Variants in SMARCD3 observed in about 807,000 individuals in gnomAD.
SMARCD3 encodes the protein SWI/SNF-related matrix-associated actin-dependent regulator of chromatin subfamily D member 3.
Under a neutral mutation model 58.0 loss-of-function variants are expected in SMARCD3, and 14 were observed. The ratio of observed to expected loss-of-function variants is 0.24; its 90% CI spans 0.16 to 0.38. SMARCD3 has a LOEUF of 0.38. Ranked by LOEUF, SMARCD3 falls within the 10% of genes least tolerant of loss-of-function variation. The pLI is 1.00. For synonymous variants in SMARCD3, 253 were observed against 253.8 expected (o/e 1.00, Z 0.03); for missense variants, 408 against 636.9 (o/e 0.64, Z 3.87).
rs777015544 is a variant in SMARCD3, at chr7:151,243,644, G to C, written c.333+15C>G. The C allele has an allele frequency of 6.4e-7, 1 of 1,564,848 alleles. No individual in the cohort carries two copies. Among genetic ancestry groups the C allele is most frequent in the Non-Finnish European group, 8.8e-7 (1 of 1,135,436 alleles). ...GGTGGGGGGTGGGCTGGGGGCTGCT[G>C]TGAAAGGCACTCACCCTTTGAGGGA... On this transcript the variant is annotated intron_variant, in intron 3 of 12. Transcript: ENST00000262188. This position sits in a 1 kb window ranked among gnomAD's most constrained non-coding sequence, Gnocchi z 4.4.
chr7:151,240,375 C>CAGGA (rs1563644879), intron 9 of SMARCD3, 50 bp downstream of exon 9: 2 of 1,578,766 alleles, frequency 1.3e-6, no homozygotes, highest in Non-Finnish European at 1.7e-6. Flanking sequence ...GCAGGGAAGG[C>CAGGA]AGGAACGAGA....
At chr7:151,271,184 G>A (rs1050197998) in intron 2 of SMARCD3, among the ~76,000 whole-genome samples, 2 of 152,174 alleles carry the variant, frequency 1.3e-5, no homozygotes, top group South Asian at 4.1e-4. Flanking sequence ...ATGAGGTGGT[G>A]AGGGCCTGCA....
intron 2 of SMARCD3, among the ~76,000 whole-genome samples, chr7:151,273,977 G>A (rs1484301142): frequency 1.3e-5 from 2 of 152,258 alleles, no homozygotes; most frequent in East Asian, 3.9e-4. Context: ...TCTGAGGAAG[G>A]AGAAGCAGAG....
intron 2 of SMARCD3, among the ~76,000 whole-genome samples, chr7:151,262,800 G>A (rs1803958841): frequency 6.6e-6 from 1 of 152,250 alleles, no homozygotes. Context: ...GGATGCCCAA[G>A]GCTGGCATGG....
intron 8 of SMARCD3, 161 bp from the exon 9 acceptor site, chr7:151,240,683 A>G: frequency 7.0e-6 from 4 of 573,370 alleles, no homozygotes; most frequent in Non-Finnish European, 1.2e-5. Flanking sequence ...CTGGTGGTGG[A>G]GCCACCGGTA....
chr7:151,244,230 C>T (rs1229980313), intron 2 of SMARCD3, among the ~76,000 whole-genome samples: 5 of 150,256 alleles, frequency 3.3e-5, no homozygotes, highest in African/African-American at 1.0e-4. Flanking sequence ...TGGAAGAGAA[C>T]GCTGATGGGC....
intron 2 of SMARCD3, among the ~76,000 whole-genome samples, chr7:151,270,737 G>A (rs958167278): frequency 6.6e-6 from 1 of 152,168 alleles, no homozygotes; most frequent in Non-Finnish European, 1.5e-5. Flanking sequence ...AGTGGAAGGC[G>A]GAACAAATCA....
At chr7:151,263,283 G>T (rs539779887) in intron 2 of SMARCD3, among the ~76,000 whole-genome samples, 2 of 152,136 alleles carry the variant, frequency 1.3e-5, no homozygotes, top group South Asian at 2.1e-4. Context: ...ATGCCAAGGG[G>T]TGTTCTGAGG....
At chr7:151,262,740 G>C (rs10487756) in intron 2 of SMARCD3, among the ~76,000 whole-genome samples, 2 of 152,106 alleles carry the variant, frequency 1.3e-5, no homozygotes, top group African/African-American at 4.8e-5. Context: ...TCAGAGTAGC[G>C]ACACCTAAGC....
upstream of SMARCD3, among the ~76,000 whole-genome samples, chr7:151,252,440 TGAGA>T (rs35914888): frequency 4.0e-5 from 6 of 149,412 alleles, no homozygotes; most frequent in Admixed American, 6.6e-5. Flanking sequence ...TGTGTGTGTG[TGAGA>T]GAGAGAGAGA....
chr7:151,268,612 T>C (rs1052215846), intron 2 of SMARCD3, among the ~76,000 whole-genome samples: 61 of 152,296 alleles, frequency 4.0e-4, no homozygotes, highest in African/African-American at 1.4e-3. Context: ...GGGCTAAATA[T>C]GGTGGAGAGA....
At chr7:151,272,593 G>A (rs1795211895) in intron 2 of SMARCD3, among the ~76,000 whole-genome samples, 1 of 152,148 alleles carries the variant, frequency 6.6e-6, no homozygotes, top group African/African-American at 2.4e-5. Context: ...GCACGCTCAT[G>A]AGGCACGTTC....
At chr7:151,252,804 GGCAGCTGTGC>G (rs1803570863), upstream of SMARCD3, among the ~76,000 whole-genome samples, 1 of 152,140 alleles carries the variant, frequency 6.6e-6, no homozygotes, top group Non-Finnish European at 1.5e-5. Flanking sequence ...TCCAGGCCAG[GGCAGCTGTGC>G]GCTTCCCTGT....
At chr7:151,260,623 C>A (rs139732144) in intron 2 of SMARCD3, among the ~76,000 whole-genome samples, 1 of 152,168 alleles carries the variant, frequency 6.6e-6, no homozygotes, top group Non-Finnish European at 1.5e-5. Context: ...CACGCCACCC[C>A]GCCCCCTACC....
chr7:151,249,595 G>C (rs927931652), upstream of SMARCD3: 2 of 152,066 alleles, frequency 1.3e-5, no homozygotes, highest in Non-Finnish European at 2.9e-5. This position sits in a 1 kb window ranked among gnomAD's most constrained non-coding sequence, Gnocchi z 4.8. Context: ...GCGCCAGGGG[G>C]GTGCTCGGGT....
chr7:151,244,523 C>T (rs219230), intron 2 of SMARCD3, among the ~76,000 whole-genome samples: 69,498 of 151,886 alleles, frequency 0.46, 16,857 homozygotes, highest in African/African-American at 0.61. Context: ...CCTCCCTATG[C>T]AGAAATCTAA....
chr7:151,270,398 C>G (rs1036462408), intron 2 of SMARCD3, among the ~76,000 whole-genome samples: 1 of 152,236 alleles, frequency 6.6e-6, no homozygotes, highest in Non-Finnish European at 1.5e-5. Context: ...GCCACCCCCT[C>G]TCTGTCCACT....
intron 1 of SMARCD3, among the ~76,000 whole-genome samples, chr7:151,276,382 C>T (rs1227325322): frequency 1.1e-5 from 1 of 91,104 alleles, no homozygotes; most frequent in Non-Finnish European, 2.2e-5. Context: ...AGAAAGTGCT[C>T]GGCAGGGGGG....
chr7:151,247,673 C>T (rs889449243), intron 1 of SMARCD3, among the ~76,000 whole-genome samples: 1 of 151,728 alleles, frequency 6.6e-6, no homozygotes, highest in Non-Finnish European at 1.5e-5. Flanking sequence ...GTCGCAGCCC[C>T]TGCTTCTCCC....
Sources: gnomAD v4.1 joint callset for allele counts (sites outside exome capture counted in the v4.1 genomes callset) on GRCh38, gnomAD v4.1.1 for gene constraint, Gnocchi (gnomAD v3.1) non-coding constraint, MANE v1.5 for transcripts, NCBI Gene and HGNC (gene_info 2026-07-23, HGNC 2026-07-21) for gene names.